USH2A: variants seen among roughly 807,000 people sequenced by gnomAD.
USH2A encodes Usher syndrome 2A (autosomal recessive, mild).
Under a neutral mutation model 538.9 loss-of-function variants are expected in USH2A, and 443 were observed. The observed-to-expected ratio is 0.82, with a 90% CI of 0.76 to 0.89. The LOEUF is 0.89. USH2A is among the 40% of genes least tolerant of loss of function. USH2A has a pLI of 0.00. For synonymous variants in USH2A, 2,413 were observed against 2,273.5 expected (o/e 1.06, Z -1.75); for missense variants, 6,633 against 6,324.8 (o/e 1.05, Z -1.65).
In USH2A at chr1:215,624,633, T is replaced by A. The variant is rs1195154663; in HGVS notation, c.*1148A>T. On this transcript the variant is annotated 3_prime_UTR_variant, in exon 72 of 72. Coordinates refer to ENST00000307340, the MANE Select transcript of USH2A (RefSeq NM_206933.4). ...GCCATAGGACTTTCACCAATGACTT[T>A]GTAATCCAACTAGAGCAGGTGACAG... 1 of 152,154 alleles carries A rather than the reference T, an allele frequency of 6.6e-6. No individual in the cohort carries two copies. Among genetic ancestry groups the A allele is most frequent in the Admixed American group, 6.5e-5 (1 of 15,268 alleles). 9.4% of individuals were successfully genotyped at this position (152,154 alleles called of 1,614,324 possible). A position where few individuals can be genotyped will look rare whatever the true frequency, so the allele number is the denominator to read the frequency against.
intron 61 of USH2A, among the ~76,000 whole-genome samples, chr1:215,705,824 T>C (rs925837323): frequency 6.6e-6 from 1 of 152,104 alleles, no homozygotes; most frequent in Non-Finnish European, 1.5e-5. Context: ...TGGTAACAAA[T>C]GGAATATTTA....
At chr1:216,347,147 A>G (rs1461659051) in intron 4 of USH2A, among the ~76,000 whole-genome samples, 2 of 152,068 alleles carry the variant, frequency 1.3e-5, no homozygotes, top group East Asian at 3.9e-4. Context: ...CCTACTTTGG[A>G]GACTTTAGAT....
At chr1:215,721,764 A>T (rs1206707386) in intron 61 of USH2A, among the ~76,000 whole-genome samples, 2 of 152,196 alleles carry the variant, frequency 1.3e-5, no homozygotes, top group Non-Finnish European at 2.9e-5. Flanking sequence ...CTAAAATATC[A>T]TCACAACTAA....
chr1:215,703,871 A>AC (rs1659104743), intron 61 of USH2A, among the ~76,000 whole-genome samples: 1 of 148,346 alleles, frequency 6.7e-6, no homozygotes, highest in Non-Finnish European at 1.5e-5. Flanking sequence ...GGAAAAAAAA[A>AC]CTCCTGCAGC....
In USH2A at chr1:215,710,367, G is replaced by T. The variant is rs1406961820; in HGVS notation, c.12066+17663C>A. 6.6e-5 allele frequency among the ~76,000 whole-genome samples: 10 copies of T among 152,270 alleles called. No individual in the cohort carries two copies. The East Asian group carries it at 1.9e-3, about 29-fold the overall frequency. On this transcript the variant is annotated intron_variant, in intron 61 of 71. Coordinates refer to ENST00000307340, the MANE Select transcript of USH2A (RefSeq NM_206933.4). ...AAATGCTCAGATGTATCCCCCAACA[G>T]GGTGCAATAATACAGCAGTAAAAAG...
At chr1:216,281,248 A>G (rs142712558) in intron 11 of USH2A, among the ~76,000 whole-genome samples, 85 of 148,500 alleles carry the variant, frequency 5.7e-4, no homozygotes, top group African/African-American at 1.7e-3. Flanking sequence ...TCTTATTTAC[A>G]TTCCTATTCT....
At chr1:216,187,957 A>G (rs997907151) in intron 20 of USH2A, among the ~76,000 whole-genome samples, 3 of 151,962 alleles carry the variant, frequency 2.0e-5, no homozygotes, top group Non-Finnish European at 4.4e-5. Flanking sequence ...CCTCACATAT[A>G]TGAATAAACT....
intron 63 of USH2A, among the ~76,000 whole-genome samples, chr1:215,672,234 C>T (rs1657839932): frequency 6.6e-6 from 1 of 152,152 alleles, no homozygotes; most frequent in East Asian, 1.9e-4. Flanking sequence ...TTCCCGCAGG[C>T]ACCCAGCTAT....
intron 13 of USH2A, among the ~76,000 whole-genome samples, chr1:216,242,923 G>GCTA (rs1421271888): frequency 1.3e-5 from 2 of 152,084 alleles, no homozygotes; most frequent in Non-Finnish European, 2.9e-5. Context: ...AGTACCGTTT[G>GCTA]CTACTACACA....
chr1:216,407,157 A>G (rs2039409580), intron 3 of USH2A, among the ~76,000 whole-genome samples: 2 of 151,974 alleles, frequency 1.3e-5, no homozygotes, highest in Admixed American at 6.6e-5. Context: ...GTTGATAACA[A>G]TTGAACACTA....
intron 32 of USH2A, among the ~76,000 whole-genome samples, chr1:216,005,475 A>T (rs752750744): frequency 7.2e-5 from 11 of 152,336 alleles, no homozygotes; most frequent in Non-Finnish European, 1.3e-4. Context: ...GGATATCTCC[A>T]GGAATGGTGT....
At chr1:215,976,020 A>G (rs1667612212) in intron 35 of USH2A, among the ~76,000 whole-genome samples, 1 of 152,126 alleles carries the variant, frequency 6.6e-6, no homozygotes. Context: ...CTCCTTGTAG[A>G]CATCTTTCAC....
intron 27 of USH2A, among the ~76,000 whole-genome samples, chr1:216,074,995 C>G (rs2031699636): frequency 6.6e-6 from 1 of 151,966 alleles, no homozygotes; most frequent in Non-Finnish European, 1.5e-5. Context: ...AAAATGGTTA[C>G]AATGGTAAAT....
chr1:216,010,469 G>C (rs1004027493), intron 32 of USH2A, among the ~76,000 whole-genome samples: 3 of 151,880 alleles, frequency 2.0e-5, no homozygotes, highest in African/African-American at 7.3e-5. Context: ...AGTGGCTGAA[G>C]ACTGACACTG....
intron 21 of USH2A, among the ~76,000 whole-genome samples, chr1:216,142,395 G>C (rs1020661794): frequency 2.0e-5 from 3 of 152,170 alleles, no homozygotes; most frequent in Non-Finnish European, 4.4e-5. Flanking sequence ...CATGTTTCTT[G>C]TTCCTCTATG....
Position 216,410,065 on chromosome 1 carries a change from C to G in USH2A, c.651+8449G>C, listed in dbSNP as rs541231539. Among the ~76,000 whole-genome samples the G allele has an allele frequency of 2.6e-5, 4 of 152,146 alleles. No homozygotes were observed. The South Asian group carries it at 8.3e-4, about 32-fold the overall frequency. ...AGTGGGCAAAGGACATAAATAGACC[C>G]TTTTCAAAAGAAGACATACATGTGG... On this transcript the variant is annotated intron_variant, in intron 3 of 71. Transcript: ENST00000307340.
rs139628492 is a variant in USH2A at position 215,874,894 on chromosome 1, C to T, written c.8681+2864G>A. ...CAATTAAAAACCCAGGAAAACATAC[C>T]TGGCCAAACAAATAAATCAGCAAAA... On this transcript the variant is annotated intron_variant, in intron 43 of 71. Coordinates refer to ENST00000307340, the MANE Select transcript of USH2A (RefSeq NM_206933.4). 5.4e-4 allele frequency among the ~76,000 whole-genome samples: 82 copies of T among 152,226 alleles called. 1 individual carries two copies. The highest frequency in any genetic ancestry group is 1.7e-3 in the African/African-American group (70 of 41,528).
At chr1:215,896,301 G>A (rs766261299) in intron 40 of USH2A, among the ~76,000 whole-genome samples, 19 of 151,136 alleles carry the variant, frequency 1.3e-4, no homozygotes, top group Non-Finnish European at 2.1e-4. Flanking sequence ...ATTCAAGTTT[G>A]GGGTTTTTTT....
chr1:216,077,400 A>G lies in USH2A; in HGVS notation c.5572+689T>C, dbSNP rs190420070. On this transcript the variant is annotated intron_variant, in intron 27 of 71. Transcript: ENST00000307340. Reference sequence around the variant, plus strand: ...CATTTTTTTTCCACATGAAAGCTCTACTGAAAAACTATGGAGACAATTAGC... The same window carrying G: ...CATTTTTTTTCCACATGAAAGCTCTGCTGAAAAACTATGGAGACAATTAGC... Among the ~76,000 whole-genome samples the G allele has an allele frequency of 3.6e-4, 55 of 152,064 alleles. 2 individuals are homozygous for G. Among genetic ancestry groups the G allele is most frequent in the Admixed American group, 3.3e-3 (50 of 15,248 alleles).
Sources: gnomAD v4.1 joint callset for allele counts (sites outside exome capture counted in the v4.1 genomes callset) on GRCh38, gnomAD v4.1.1 for gene constraint, MANE v1.5 for transcripts, NCBI Gene and HGNC (gene_info 2026-07-23, HGNC 2026-07-21) for gene names.